The following EXOC7 variants were observed in gnomAD, a reference collection of about 807,000 sequenced individuals.
EXOC7 encodes exocyst complex component 7, also known as exocyst complex component Exo70.
In EXOC7, 51 loss-of-function variants were observed where a neutral mutation model predicts 87.6. That is an observed-to-expected ratio of 0.58 (90% confidence interval 0.46 to 0.73). The LOEUF is 0.73. EXOC7 is among the 30% of genes least tolerant of loss of function. EXOC7 has a pLI of 0.00. For synonymous variants in EXOC7, 327 were observed against 357.1 expected (o/e 0.92, Z 0.95); for missense variants, 744 against 888.4 (o/e 0.84, Z 2.07).
chr17:76,090,822 A>AC, intron 7 of EXOC7: 2 of 515,434 alleles, frequency 3.9e-6, no homozygotes, highest in South Asian at 4.9e-5. Flanking sequence ...GGGGCCTGCC[A>AC]CTGCTGGTCT....
chr17:76,089,118 T>C, intron 8 of EXOC7, 57 bp downstream of exon 8: 1 of 1,603,202 alleles, frequency 6.2e-7, no homozygotes, highest in South Asian at 1.1e-5. Flanking sequence ...GCTGCAAGAG[T>C]CTGTTGTGAC....
chr17:76,085,232 T>C, intron 15 of EXOC7, 82 bp downstream of exon 15: 1 of 1,164,412 alleles, frequency 8.6e-7, no homozygotes, highest in South Asian at 1.3e-5. Context: ...CGTGACCGAC[T>C]CTGTGTCCTG....
chr17:76,082,152 C>T lies in EXOC7; in HGVS notation c.*1496G>A. 1 of 1,355,248 alleles carries T rather than the reference C, an allele frequency of 7.4e-7. No individual in the cohort carries two copies. The highest frequency in any genetic ancestry group is 1.4e-5 in the South Asian group (1 of 73,406). 84.0% of individuals were successfully genotyped at this position (1,355,248 alleles called of 1,614,324 possible). A position where few individuals can be genotyped will look rare whatever the true frequency, so the allele number is the denominator to read the frequency against. ...GTGGGTAGAGGCCCCTTGCATCCAC[C>T]CTGCTGGCTCTCCTGTCCCTGGTCT... On this transcript the variant is annotated 3_prime_UTR_variant, in exon 19 of 19. Coordinates refer to ENST00000589210, the MANE Select transcript of EXOC7 (RefSeq NM_001013839.4).
At position 76,081,704 on chromosome 17, in the gene EXOC7, T is replaced by C; in HGVS notation, c.*1944A>G. The C allele has an allele frequency of 6.2e-7, 1 of 1,614,000 alleles. No homozygotes were observed. The highest frequency in any genetic ancestry group is 1.1e-5 in the South Asian group (1 of 91,086). On this transcript the variant is annotated 3_prime_UTR_variant, in exon 19 of 19. Coordinates refer to ENST00000589210, the MANE Select transcript of EXOC7 (RefSeq NM_001013839.4). ...GCTGCTGAGTTACCTCGTCCTCCAC[T>C]CCTCCCTGGTGCAGGCCCTGCCCAG...
intron 17 of EXOC7, 52 bp downstream of exon 17, chr17:76,084,196 T>C: frequency 6.2e-7 from 1 of 1,603,446 alleles, no homozygotes; most frequent in Non-Finnish European, 8.5e-7. Context: ...TTTGGGTCTG[T>C]GTTGCCTCAA....
Position 76,081,626 on chromosome 17 carries a change from G to A in EXOC7, c.*2022C>T, listed in dbSNP as rs146722649. The A allele has an allele frequency of 2.4e-5, 39 of 1,613,940 alleles. No homozygotes were observed. The highest frequency in any genetic ancestry group is 1.6e-4 in the Middle Eastern group (1 of 6,084). ...GGCACTGCTGTTGGCTGACGTGTGC[G>A]GGGGGTTGCTGCCCCTCCGGGCCAT... On this transcript the variant is annotated 3_prime_UTR_variant, in exon 19 of 19. Transcript: ENST00000589210.
Position 76,083,581 on chromosome 17 carries a change from G to A in EXOC7, c.*67C>T. On this transcript the variant is annotated 3_prime_UTR_variant, in exon 19 of 19. Coordinates refer to ENST00000589210, the MANE Select transcript of EXOC7 (RefSeq NM_001013839.4). Reference sequence around the variant, plus strand: ...TCAAGCTCACCCAGCCCAGAGGCAAGCTAACACTGGTTTATCTGTCCAATG... The same window carrying A: ...TCAAGCTCACCCAGCCCAGAGGCAAACTAACACTGGTTTATCTGTCCAATG... 6.6e-7 allele frequency: 1 copy of A among 1,524,072 alleles called. No homozygotes were observed. The highest frequency in any genetic ancestry group is 9.1e-7 in the Non-Finnish European group (1 of 1,099,020). 94.4% of individuals were successfully genotyped at this position (1,524,072 alleles called of 1,614,324 possible).
At position 76,084,388 on chromosome 17, in the gene EXOC7, T is replaced by G. The variant is rs759012086; in HGVS notation, c.1777-99A>C. ...ACCCTTGGTCTGGGCCTGTCTCCTGTGTCCTGATGGCCACATGCATCCTTT... is the reference window on the plus strand; with the variant it reads ...ACCCTTGGTCTGGGCCTGTCTCCTGGGTCCTGATGGCCACATGCATCCTTT... On this transcript the variant is annotated intron_variant, in intron 16 of 18. Transcript: ENST00000589210. 6 of 1,580,534 alleles carry G rather than the reference T, an allele frequency of 3.8e-6. No homozygotes were observed. In the Admixed American group the frequency reaches 6.9e-5, roughly 18 times the overall value.
intron 4 of EXOC7, among the ~76,000 whole-genome samples, chr17:76,099,272 G>A (rs1330570504): frequency 2.0e-5 from 3 of 152,156 alleles, no homozygotes; most frequent in African/African-American, 7.2e-5. Flanking sequence ...TTGGGAGGCC[G>A]AGGCAAGCAG....
At chr17:76,087,425 C>A in intron 12 of EXOC7, 1 of 571,974 alleles carries the variant, frequency 1.7e-6, no homozygotes, top group Non-Finnish European at 3.1e-6. Flanking sequence ...GCTTCCAGGG[C>A]GAGGACGGTC....
In EXOC7 at chr17:76,081,533, T is replaced by C; in HGVS notation, c.*2115A>G. 1 of 1,612,984 alleles carries C rather than the reference T, an allele frequency of 6.2e-7. No homozygotes were observed. Among genetic ancestry groups the C allele is most frequent in the African/African-American group, 1.3e-5 (1 of 75,058 alleles). On this transcript the variant is annotated 3_prime_UTR_variant, in exon 19 of 19. Transcript: ENST00000589210. ...CCCCCCGCCGGGAAGGCCCTGACTT[T>C]TCCCCTTCCAGCTGAGGCTGAAGAA... is the stretch of plus-strand genomic sequence containing the variant.
At chr17:76,092,158 C>G (rs1296225878) in intron 6 of EXOC7, among the ~76,000 whole-genome samples, 2 of 152,008 alleles carry the variant, frequency 1.3e-5, no homozygotes, top group African/African-American at 4.8e-5. Flanking sequence ...CCCACCCCCA[C>G]AGTCTATCTG....
chr17:76,089,167 G>A lies in EXOC7; in HGVS notation c.1047+8C>T, dbSNP rs746150935. 1.1e-5 allele frequency: 17 copies of A among 1,612,502 alleles called. No homozygotes were observed. Among genetic ancestry groups the A allele is most frequent in the African/African-American group, 2.7e-5 (2 of 74,910 alleles). ...GCTGGCTGCAGAGCCCCCGGGGCGG[G>A]GCGGGACCTGTATCAGGGAGTCGAA... On this transcript the variant is annotated splice_region_variant and intron_variant, in intron 8 of 18. Coordinates refer to ENST00000589210, the MANE Select transcript of EXOC7 (RefSeq NM_001013839.4).
intron 7 of EXOC7, 171 bp downstream of exon 7, chr17:76,090,972 C>T (rs1055945356): frequency 9.0e-6 from 6 of 668,566 alleles, no homozygotes; most frequent in Non-Finnish European, 1.6e-5. Flanking sequence ...CCGAGGGCTG[C>T]GAAACTGTCC....
At chr17:76,091,848 GA>G (rs986059583) in intron 6 of EXOC7, among the ~76,000 whole-genome samples, 18 of 152,138 alleles carry the variant, frequency 1.2e-4, no homozygotes, top group Admixed American at 3.9e-4. Context: ...AAAGCGACAA[GA>G]AAAAATCCAA....
Position 76,087,667 on chromosome 17 carries a change from C to G in EXOC7, c.1416G>C (p.Met472Ile). The stretch of plus-strand genomic sequence containing the variant: ...AGGTACCAGTACCTTGGGAGGCCAG[C>G]ATGGCGCCTGCCGTCTCCTGGAAGT... ...LLDFQETAGA[M>I]LASQETSSSA... The change falls in exon 12 of 19, where the codon ATG becomes ATC. Residue 472 changes from methionine to isoleucine, a missense_variant. Physicochemically the swap from Met to Ile is conservative, Grantham distance 10. Around this residue, in one of 3 missense-constraint regions of EXOC7, gnomAD observed 228 missense variants for 298.6 expected, o/e 0.76. Coordinates refer to ENST00000589210, the MANE Select transcript of EXOC7 (RefSeq NM_001013839.4). 1.3e-6 allele frequency: 2 copies of G among 1,551,310 alleles called. No homozygotes were observed. The highest frequency in any genetic ancestry group is 1.7e-6 in the Non-Finnish European group (2 of 1,147,010).
At chr17:76,084,376 G>T in intron 16 of EXOC7, 87 bp from the exon 17 acceptor site, 1 of 1,595,112 alleles carries the variant, frequency 6.3e-7, no homozygotes, top group Admixed American at 1.7e-5. Flanking sequence ...CTTGGTCTGG[G>T]CCTGTCTCCT....
Position 76,101,727 on chromosome 17 carries a change from A to T in EXOC7, c.263T>A (p.Ile88Asn). Residue 88 changes from isoleucine to asparagine, a missense_variant, in exon 3 of 19, where the codon ATC becomes AAC. Physicochemically the swap from Ile to Asn is moderately radical, Grantham distance 149 (BLOSUM62 -3). Coordinates refer to ENST00000589210, the MANE Select transcript of EXOC7 (RefSeq NM_001013839.4). ...EKTLSCLDHVISYYHVASDTE... is the reference protein window; with the variant it reads ...EKTLSCLDHVNSYYHVASDTE... ...GTCACTGGCCACATGGTAGTAGCTG[A>T]TGACATGGTCCAGGCAGGACAGCGT... 1 of 1,614,094 alleles carries T rather than the reference A, an allele frequency of 6.2e-7. No homozygotes were observed. The highest frequency in any genetic ancestry group is 8.5e-7 in the Non-Finnish European group (1 of 1,179,990).
chr17:76,085,547 G>C, intron 14 of EXOC7, 130 bp downstream of exon 14: 1 of 1,527,944 alleles, frequency 6.5e-7, no homozygotes. Context: ...CGGGTCCTGG[G>C]GTGGAGGAGA....
Sources: gnomAD v4.1 joint callset for allele counts (sites outside exome capture counted in the v4.1 genomes callset) on GRCh38, gnomAD v4.1.1 for gene constraint, gnomAD v4.1.1 regional missense constraint, MANE v1.5 for transcripts, NCBI Gene and HGNC (gene_info 2026-07-23, HGNC 2026-07-21) for gene names.